Variants in EPHB1 observed in about 807,000 individuals in gnomAD.
EPHB1 encodes the protein ephrin type-B receptor 1.
In EPHB1, 30 loss-of-function variants were observed where a neutral mutation model predicts 94.4. That is an observed-to-expected ratio of 0.32 (90% CI 0.24 to 0.43). The LOEUF (loss-of-function observed/expected upper bound fraction) is 0.43. Ranked by LOEUF, EPHB1 falls within the 20% of genes least tolerant of loss-of-function variation. The pLI is 1.00. For synonymous variants in EPHB1, 522 were observed against 489.1 expected (o/e 1.07, Z -0.89); for missense variants, 1,055 against 1,308.3 (o/e 0.81, Z 2.99).
intron 3 of EPHB1, among the ~76,000 whole-genome samples, chr3:135,002,418 T>G (rs1935218424): frequency 6.6e-6 from 1 of 152,226 alleles, no homozygotes; most frequent in Admixed American, 6.5e-5. Context: ...TCTAAAATTC[T>G]CTTTGTTGGT....
At chr3:135,077,872 T>G (rs929008372) in intron 3 of EPHB1, among the ~76,000 whole-genome samples, 1 of 152,232 alleles carries the variant, frequency 6.6e-6, no homozygotes, top group Non-Finnish European at 1.5e-5. Flanking sequence ...ACCAGAAGGT[T>G]GATCTTTGCC....
At chr3:135,116,150 G>A in intron 4 of EPHB1, among the ~76,000 whole-genome samples, 1 of 152,152 alleles carries the variant, frequency 6.6e-6, no homozygotes. Context: ...GGAGGCAAAG[G>A]TTACATTGAG....
At chr3:135,196,974 C>A (rs1014534642) in intron 11 of EPHB1, among the ~76,000 whole-genome samples, 1 of 151,910 alleles carries the variant, frequency 6.6e-6, no homozygotes, top group East Asian at 1.9e-4. Flanking sequence ...AGAAACAATT[C>A]GGCTGGGCGC....
At chr3:135,069,304 C>T (rs1937631308) in intron 3 of EPHB1, among the ~76,000 whole-genome samples, 1 of 151,960 alleles carries the variant, frequency 6.6e-6, no homozygotes, top group Non-Finnish European at 1.5e-5. Context: ...ATCAAATAGG[C>T]ACATGGGTCA....
intron 1 of EPHB1, among the ~76,000 whole-genome samples, chr3:134,842,123 G>A (rs570047486): frequency 3.0e-4 from 46 of 152,218 alleles, no homozygotes; most frequent in African/African-American, 1.1e-3. Context: ...AATGGGATTA[G>A]TACCTTATAA....
chr3:135,133,396 A>T (rs1037309850), intron 5 of EPHB1, among the ~76,000 whole-genome samples: 16 of 152,216 alleles, frequency 1.1e-4, no homozygotes, highest in Admixed American at 9.8e-4. Context: ...TGAGTGGACA[A>T]ACAGAGGATT....
chr3:134,979,937 G>A (rs1934343626), intron 3 of EPHB1, among the ~76,000 whole-genome samples: 1 of 152,154 alleles, frequency 6.6e-6, no homozygotes, highest in Non-Finnish European at 1.5e-5. Context: ...TTACTTTGCG[G>A]CCCAAATGCA....
chr3:135,146,018 G>C (rs1018670029), intron 5 of EPHB1, among the ~76,000 whole-genome samples: 2 of 152,184 alleles, frequency 1.3e-5, no homozygotes, highest in African/African-American at 2.4e-5. Flanking sequence ...CATGGTCCTT[G>C]CCTAAAGACT....
chr3:135,187,041 G>A (rs1354368463), intron 10 of EPHB1, among the ~76,000 whole-genome samples: 1 of 152,190 alleles, frequency 6.6e-6, no homozygotes, highest in African/African-American at 2.4e-5. Flanking sequence ...GTTCCTAGGT[G>A]ATACTGATGC....
At chr3:134,841,567 CA>C (rs2036777929) in intron 1 of EPHB1, 2 of 152,186 alleles carry the variant, frequency 1.3e-5, no homozygotes, top group African/African-American at 4.8e-5. Context: ...CTATTTATTT[CA>C]CTGATGTATT....
At chr3:135,252,748 G>A (rs1489923508) in intron 15 of EPHB1, among the ~76,000 whole-genome samples, 1 of 141,542 alleles carries the variant, frequency 7.1e-6, no homozygotes, top group African/African-American at 2.6e-5. Context: ...GGATGGCTGG[G>A]TCAAATGGTA....
intron 3 of EPHB1, among the ~76,000 whole-genome samples, chr3:135,023,172 T>C (rs1038899313): frequency 1.3e-5 from 2 of 152,232 alleles, no homozygotes; most frequent in South Asian, 2.1e-4. Flanking sequence ...TCAAACATAA[T>C]GTATTAAGAT....
At chr3:134,824,008 G>A (rs988927270) in intron 1 of EPHB1, 6 of 152,018 alleles carry the variant, frequency 3.9e-5, no homozygotes, top group African/African-American at 1.4e-4. Context: ...ACTGACATTT[G>A]GAACAAATAC....
rs1283544628 is a variant in EPHB1, at chr3:135,208,290, C to CATGT, written c.2346+6601_2346+6602insATGT. 2.1e-5 allele frequency among the ~76,000 whole-genome samples: 3 copies of CATGT among 142,684 alleles called. No homozygotes were observed. In the East Asian group the frequency reaches 6.1e-4, roughly 29 times the overall value. The allele number at this position is 142,684 out of a possible 152,430, so 93.6% of individuals were successfully genotyped here. On this transcript the variant is annotated intron_variant, in intron 12 of 15. Coordinates refer to ENST00000398015, the MANE Select transcript of EPHB1 (RefSeq NM_004441.5). The stretch of plus-strand genomic sequence containing the variant: ...TAGAGCAATGGGAAACCTTTCATGA[C>CATGT]GTGTGTGTGTGTGTGTGTGTGTGTG...
intron 3 of EPHB1, among the ~76,000 whole-genome samples, chr3:135,025,921 G>A: frequency 2.1e-5 from 1 of 46,976 alleles, no homozygotes; most frequent in Non-Finnish European, 4.6e-5. Flanking sequence ...GGTGTGAGAT[G>A]GTATCTCATT....
At chr3:135,063,663 T>TTTACCA in intron 3 of EPHB1, among the ~76,000 whole-genome samples, 2 of 152,286 alleles carry the variant, frequency 1.3e-5, no homozygotes, top group East Asian at 3.9e-4. Flanking sequence ...TTTCTTTACC[T>TTTACCA]ATTTGGATGC....
intron 3 of EPHB1, among the ~76,000 whole-genome samples, chr3:135,003,302 G>A (rs1285427893): frequency 6.6e-6 from 1 of 151,978 alleles, no homozygotes; most frequent in African/African-American, 2.4e-5. Flanking sequence ...GTTCTAGTTT[G>A]ATTGCACTGT....
At chr3:134,913,521 C>G (rs2038500038) in intron 1 of EPHB1, among the ~76,000 whole-genome samples, 1 of 152,178 alleles carries the variant, frequency 6.6e-6, no homozygotes, top group Non-Finnish European at 1.5e-5. Context: ...CAGCGGCTTT[C>G]TCACCCCCTT....
At chr3:134,851,431 C>G (rs1180807527) in intron 1 of EPHB1, among the ~76,000 whole-genome samples, 2 of 152,066 alleles carry the variant, frequency 1.3e-5, no homozygotes, top group Admixed American at 1.3e-4. Context: ...CCCATTTGCT[C>G]CCCTGGGTTT....
Sources: gnomAD v4.1 joint callset for allele counts (sites outside exome capture counted in the v4.1 genomes callset) on GRCh38, gnomAD v4.1.1 for gene constraint, MANE v1.5 for transcripts, NCBI Gene and HGNC (gene_info 2026-07-23, HGNC 2026-07-21) for gene names.